ZNF236: variants seen among roughly 807,000 people sequenced by gnomAD.
ZNF236 encodes zinc finger protein 236.
A neutral mutation model predicts 191.2 loss-of-function variants in ZNF236; 50 were observed. That is an observed-to-expected ratio of 0.26 (90% CI 0.21 to 0.33). ZNF236 has a LOEUF of 0.33. Ranked by LOEUF, ZNF236 falls within the 10% of genes least tolerant of loss-of-function variation. ZNF236 has a pLI of 1.00. For missense variants in ZNF236, 1,754 were observed against 2,374.5 expected, an observed-to-expected ratio of 0.74 and a Z score of 5.43; for synonymous variants, 907 against 928.8, an observed-to-expected ratio of 0.98 and a Z score of 0.43.
intron 9 of ZNF236, chr18:76,886,489 C>G (rs1261379495): frequency 5.3e-6 from 1 of 189,556 alleles, no homozygotes; most frequent in Admixed American, 5.8e-5. Context: ...GCCATTGAAC[C>G]AGCACCTGAG....
intron 25 of ZNF236, among the ~76,000 whole-genome samples, chr18:76,935,680 C>T (rs765886942): frequency 5.3e-5 from 8 of 152,222 alleles, no homozygotes; most frequent in Non-Finnish European, 5.9e-5. Flanking sequence ...CCTGCCCGCC[C>T]GCCCCAGTCT....
chr18:76,876,027 T>C (rs1249473375), intron 6 of ZNF236, among the ~76,000 whole-genome samples: 2 of 152,132 alleles, frequency 1.3e-5, no homozygotes, highest in African/African-American at 4.8e-5. Flanking sequence ...GAAATAAAAT[T>C]GGGAAAAAAA....
chr18:76,915,547 A>T, intron 18 of ZNF236, 100 bp from the exon 19 acceptor site: 2 of 1,087,176 alleles, frequency 1.8e-6, no homozygotes, highest in Non-Finnish European at 2.7e-6. Context: ...ATAATGTTGT[A>T]ACTTATTAAA....
chr18:76,955,324 G>A lies in ZNF236; in HGVS notation c.4915-661G>A, dbSNP rs115683084. 4.9e-3 allele frequency among the ~76,000 whole-genome samples: 747 copies of A among 152,284 alleles called. 6 individuals carry two copies. Among genetic ancestry groups the A allele is most frequent in the African/African-American group, 0.017 (714 of 41,552 alleles). On this transcript the variant is annotated intron_variant, in intron 27 of 30. Transcript: ENST00000320610. ...GCAGGCGTGCGGGAGGGCTGGGGTG[G>A]GAGGATTGCTTGAGCCCAGGAGTTT...
In ZNF236 at chr18:76,956,039, C is replaced by G. The variant is rs376333887; in HGVS notation, c.4969C>G (p.Arg1657Gly). 1 of 1,610,198 alleles carries G rather than the reference C, an allele frequency of 6.2e-7. No individual in the cohort carries two copies. Among genetic ancestry groups the G allele is most frequent in the East Asian group, 2.2e-5 (1 of 44,808 alleles). ...APGNQPEKEG[R>G]AHQCLECDRA... ...GGGCAACCAGCCAGAGAAGGAGGGCCGGGCGCACCAGTGCCTGGAGTGTGA... is the reference window on the plus strand; with the variant it reads ...GGGCAACCAGCCAGAGAAGGAGGGCGGGGCGCACCAGTGCCTGGAGTGTGA... The change falls in exon 28 of 31, where the codon CGG becomes GGG. Residue 1657 changes from arginine (R) to glycine (G), a missense_variant. By Grantham distance (125) the Arg-to-Gly change is moderately radical. Transcript: ENST00000320610.
intron 15 of ZNF236, 152 bp from the exon 16 acceptor site, chr18:76,910,508 G>C (rs1967189185): frequency 1.3e-6 from 1 of 769,358 alleles, no homozygotes; most frequent in Non-Finnish European, 2.0e-6. Flanking sequence ...TTAGCAAACA[G>C]TGTTAAAGCT....
chr18:76,965,003 C>T (rs1347828386), intron 30 of ZNF236, among the ~76,000 whole-genome samples: 1 of 152,210 alleles, frequency 6.6e-6, no homozygotes, highest in Non-Finnish European at 1.5e-5. Flanking sequence ...TTCTCTTCTT[C>T]CTCAGGAATG....
chr18:76,931,637 A>G (rs1967849581), intron 25 of ZNF236, among the ~76,000 whole-genome samples: 1 of 152,332 alleles, frequency 6.6e-6, no homozygotes, highest in African/African-American at 2.4e-5. Context: ...TAGAATAGAA[A>G]AATGGAAAGG....
At chr18:76,920,416 T>C (rs1286161670) in intron 20 of ZNF236, among the ~76,000 whole-genome samples, 1 of 151,502 alleles carries the variant, frequency 6.6e-6, no homozygotes, top group African/African-American at 2.4e-5. Flanking sequence ...GTGGGTGTAG[T>C]GGTGGGTGCC....
In ZNF236 at chr18:76,914,789, G is replaced by A. The variant is rs147836157; in HGVS notation, c.3062-858G>A. Among the ~76,000 whole-genome samples the A allele has an allele frequency of 1.5e-3, 228 of 152,202 alleles. 1 individual carries two copies. The highest frequency in any genetic ancestry group is 5.0e-3 in the African/African-American group (208 of 41,518). On this transcript the variant is annotated intron_variant, in intron 18 of 30. Transcript: ENST00000320610. ...ACTGGACCTTTATCAGATGCATGGTGTACAGTTAAAAATATTTTTAACATA... is the reference window on the plus strand; with the variant it reads ...ACTGGACCTTTATCAGATGCATGGTATACAGTTAAAAATATTTTTAACATA...
chr18:76,960,392 A>T lies in ZNF236; in HGVS notation c.5243-287A>T, dbSNP rs1488926109. On this transcript the variant is annotated intron_variant, in intron 29 of 30. Transcript: ENST00000320610. The surrounding 1 kb of genome is among the most constrained non-coding windows in gnomAD (Gnocchi z 4.4). ...TCATCCCGGGCTCATTTCTGTTGTG[A>T]TCATCTGACGACTCACTGTGGGCCT... Among the ~76,000 whole-genome samples, 4 of 151,988 alleles carry T rather than the reference A, an allele frequency of 2.6e-5. No individual in the cohort carries two copies. The highest frequency in any genetic ancestry group is 5.9e-5 in the Non-Finnish European group (4 of 67,996).
intron 3 of ZNF236, among the ~76,000 whole-genome samples, chr18:76,861,158 CTT>C (rs1568200114): frequency 6.6e-6 from 1 of 152,174 alleles, no homozygotes; most frequent in African/African-American, 2.4e-5. Context: ...TGTTGGCTCT[CTT>C]TTTTCCAACT....
At chr18:76,908,216 TA>T in intron 13 of ZNF236, 103 bp from the exon 14 acceptor site, 1 of 1,411,726 alleles carries the variant, frequency 7.1e-7, no homozygotes, top group Non-Finnish European at 9.6e-7. Flanking sequence ...AAATCATTAA[TA>T]AAAAATGTTA....
intron 1 of ZNF236, among the ~76,000 whole-genome samples, chr18:76,831,376 A>G (rs1249329782): frequency 6.6e-6 from 1 of 152,190 alleles, no homozygotes; most frequent in Non-Finnish European, 1.5e-5. Context: ...CTTGATAGGT[A>G]TTTCATTTTG....
chr18:76,948,525 G>T (rs1874432326), intron 27 of ZNF236, among the ~76,000 whole-genome samples: 1 of 152,168 alleles, frequency 6.6e-6, no homozygotes, highest in South Asian at 2.1e-4. Context: ...ACTGGTGGTT[G>T]TGGTTTATAC....
chr18:76,865,850 A>G (rs553562393), intron 3 of ZNF236, among the ~76,000 whole-genome samples: 3 of 152,372 alleles, frequency 2.0e-5, no homozygotes, highest in Non-Finnish European at 4.4e-5. Context: ...ACCTGTAAAC[A>G]TGTCTTCTTA....
intron 27 of ZNF236, 33 bp downstream of exon 27, chr18:76,947,685 G>A: frequency 6.2e-7 from 1 of 1,607,472 alleles, no homozygotes; most frequent in Non-Finnish European, 8.5e-7. Context: ...CAGAGCTTTT[G>A]TCGCTTTTAA....
At chr18:76,904,605 G>A in intron 12 of ZNF236, 84 bp downstream of exon 12, 1 of 1,267,224 alleles carries the variant, frequency 7.9e-7, no homozygotes. Context: ...ATTTAGGATG[G>A]TAGCATTAGC....
intron 20 of ZNF236, among the ~76,000 whole-genome samples, chr18:76,922,660 G>A (rs1290430693): frequency 3.3e-5 from 5 of 151,768 alleles, no homozygotes; most frequent in Non-Finnish European, 7.4e-5. Flanking sequence ...GGGTTCAAGC[G>A]ATTCTCCTGT....
Sources: allele counts gnomAD v4.1 joint callset (sites outside exome capture counted in the v4.1 genomes callset), GRCh38; gene constraint gnomAD v4.1.1; non-coding constraint Gnocchi (gnomAD v3.1); transcripts MANE v1.5; gene names NCBI Gene and HGNC (gene_info 2026-07-23, HGNC 2026-07-21).